Variants in PTCHD1 observed in about 807,000 individuals in gnomAD.
PTCHD1 encodes the protein patched domain containing 1, also known as patched domain-containing protein 1.
Under a neutral mutation model 34.6 loss-of-function variants are expected in PTCHD1, and 3 were observed. The ratio of observed to expected loss-of-function variants is 0.09; its 90% confidence interval spans 0.04 to 0.22. PTCHD1 has a LOEUF of 0.22. Among genes scored for constraint, PTCHD1 ranks in the 10% least tolerant of loss-of-function variants. The probability of loss-of-function intolerance (pLI) is 1.00; values close to 1 mark genes in which losing one functional copy is unlikely to be tolerated. For synonymous variants in PTCHD1, 305 were observed against 283.1 expected, an observed-to-expected ratio of 1.08 and a Z score of -0.77; for missense variants, 504 against 685.5, an observed-to-expected ratio of 0.74 and a Z score of 2.96.
At chrX:23,353,529 C>T (rs1362003512) in intron 1 of PTCHD1, among the ~76,000 whole-genome samples, 4 of 111,703 alleles carry the variant, frequency 3.6e-5, no homozygotes, top group Non-Finnish European at 5.7e-5. Flanking sequence ...GCGGAGGTTG[C>T]GGTGAGCGGA....
chrX:23,342,063 T>C (rs1921324244), intron 1 of PTCHD1, among the ~76,000 whole-genome samples: 1 of 107,036 alleles, frequency 9.3e-6, no homozygotes, highest in Non-Finnish European at 1.9e-5. Flanking sequence ...ATCAAGAGAG[T>C]ATTATTAAGC....
Position 23,342,488 on chromosome X carries a change from C to T in PTCHD1, c.351+7262C>T, listed in dbSNP as rs903010145. 4.8e-4 allele frequency among the ~76,000 whole-genome samples: 51 copies of T among 106,188 alleles called. 1 individual carries two copies. Among genetic ancestry groups the T allele is most frequent in the Middle Eastern group, 9.7e-3 (2 of 206 alleles). The allele number at this position is 106,188 out of a possible 115,157, so 92.2% of individuals were successfully genotyped here. ...TTATACATCGAGAGATTTAGTGCCC[C>T]GTTTCTAGGGAATGGATATTCATCC... On this transcript the variant is annotated intron_variant, in intron 1 of 2. Coordinates refer to ENST00000379361, the MANE Select transcript of PTCHD1 (RefSeq NM_173495.3).
At chrX:23,339,846 G>A (rs907693844) in intron 1 of PTCHD1, among the ~76,000 whole-genome samples, 4 of 112,501 alleles carry the variant, frequency 3.6e-5, no homozygotes, top group Admixed American at 1.9e-4. Flanking sequence ...CGCGAAGCCC[G>A]AGAGATTTGC....
chrX:23,366,952 A>C (rs868699569), intron 1 of PTCHD1, among the ~76,000 whole-genome samples: 2 of 92,484 alleles, frequency 2.2e-5, no homozygotes, highest in Non-Finnish European at 4.5e-5. Context: ...ACACACACAC[A>C]CCCCTGCATC....
chrX:23,364,522 C>G (rs919172108), intron 1 of PTCHD1, among the ~76,000 whole-genome samples: 1 of 110,552 alleles, frequency 9.0e-6, no homozygotes, highest in African/African-American at 3.3e-5. Context: ...CAGCCTGAAT[C>G]TTGGCAGACA....
chrX:23,369,780 A>G (rs1470864427), intron 1 of PTCHD1, among the ~76,000 whole-genome samples: 2 of 111,393 alleles, frequency 1.8e-5, no homozygotes, highest in African/African-American at 6.5e-5. Flanking sequence ...TGATGGGACA[A>G]TTTTCAAACT....
chrX:23,361,465 T>C (rs1168624697), intron 1 of PTCHD1, among the ~76,000 whole-genome samples: 1 of 111,748 alleles, frequency 8.9e-6, no homozygotes, highest in Non-Finnish European at 1.9e-5. Context: ...GAGACTAGGA[T>C]TGCAACCCCT....
chrX:23,358,133 CT>C (rs1921861090), intron 1 of PTCHD1, among the ~76,000 whole-genome samples: 1 of 111,734 alleles, frequency 8.9e-6, no homozygotes, highest in Non-Finnish European at 1.9e-5. Flanking sequence ...GTGCATGTGT[CT>C]TTATAGTAGC....
intron 2 of PTCHD1, among the ~76,000 whole-genome samples, chrX:23,384,079 T>C (rs961418027): frequency 1.8e-5 from 2 of 112,145 alleles, no homozygotes; most frequent in African/African-American, 3.2e-5. Flanking sequence ...AGGAAAGGGA[T>C]AGAATGTTAG....
intron 1 of PTCHD1, among the ~76,000 whole-genome samples, chrX:23,365,751 C>T (rs1001966980): frequency 4.5e-5 from 5 of 111,821 alleles, no homozygotes; most frequent in Non-Finnish European, 9.4e-5. Flanking sequence ...GTGAAGTGGG[C>T]TCTGTGACAA....
rs1226753671 is a variant in PTCHD1 at position 23,379,909 on chromosome X, A to G, written c.670A>G (p.Met224Val). The G allele has an allele frequency of 8.3e-7, 1 of 1,210,252 alleles. No individual in the cohort carries two copies. The highest frequency in any genetic ancestry group is 2.2e-5 in the Admixed American group (1 of 45,846). The change falls in exon 2 of 3, where the codon ATG becomes GTG. Residue 224 changes from methionine to valine, a missense_variant. Transcript: ENST00000379361. ...YLQSINSLND[M>V]VAERWESSFC... ...GCAGTCAATCAACAGTCTCAATGAC[A>G]TGGTGGCTGAGAGGTGGGAGTCCAG...
intron 1 of PTCHD1, among the ~76,000 whole-genome samples, chrX:23,363,494 C>G (rs1263697972): frequency 8.8e-6 from 1 of 113,121 alleles, no homozygotes; most frequent in Non-Finnish European, 1.9e-5. Context: ...GTGCCATTTG[C>G]TACGACTGTT....
At chrX:23,366,921 T>TAC (rs61606231) in intron 1 of PTCHD1, among the ~76,000 whole-genome samples, 4,049 of 99,320 alleles carry the variant, frequency 0.041, 140 homozygotes, top group East Asian at 0.14. Flanking sequence ...ATGCTCCTGG[T>TAC]ACACACACAC....
chrX:23,340,211 C>T (rs1921269410), intron 1 of PTCHD1, among the ~76,000 whole-genome samples: 1 of 112,182 alleles, frequency 8.9e-6, no homozygotes, highest in African/African-American at 3.2e-5. Flanking sequence ...TGAAAAAATG[C>T]CAAAGAGAAG....
chrX:23,351,181 G>C, intron 1 of PTCHD1: 1 of 677,570 alleles, frequency 1.5e-6, no homozygotes. Context: ...AACTCCATCT[G>C]TTGCTCAGAT....
At chrX:23,370,967 C>A (rs985993142) in intron 1 of PTCHD1, among the ~76,000 whole-genome samples, 4 of 111,295 alleles carry the variant, frequency 3.6e-5, no homozygotes, top group African/African-American at 9.8e-5. Flanking sequence ...ATAGCCCCCT[C>A]AGGAAGCTCA....
At chrX:23,361,639 GC>G (rs1921987461) in intron 1 of PTCHD1, among the ~76,000 whole-genome samples, 1 of 111,793 alleles carries the variant, frequency 8.9e-6, no homozygotes, top group Non-Finnish European at 1.9e-5. Context: ...GGGGCATTTA[GC>G]CCATTTACAT....
chrX:23,393,828 A>C lies in PTCHD1; in HGVS notation c.2310A>C (p.Pro770=), dbSNP rs1290436025. 3 of 1,208,707 alleles carry C rather than the reference A, an allele frequency of 2.5e-6. No individual in the cohort carries two copies. In the African/African-American group the frequency reaches 5.2e-5, roughly 21 times the overall value. The change falls in exon 3 of 3, where the codon CCA becomes CCC. Residue 770 remains proline, a synonymous_variant. Transcript: ENST00000379361. ...GINYTIDNCA[P]MLSTFVLGKD... ...ATTACACAATTGACAATTGTGCTCC[A>C]ATGTTATCCACATTTGTTCTGGGCA...
chrX:23,390,329 G>GA (rs754868031), intron 2 of PTCHD1, among the ~76,000 whole-genome samples: 7,508 of 69,311 alleles, frequency 0.11, 637 homozygotes, highest in African/African-American at 0.29. Context: ...ATGGCCCCAG[G>GA]AAAAAAAAAA....
Sources: allele counts gnomAD v4.1 joint callset (sites outside exome capture counted in the v4.1 genomes callset), GRCh38; gene constraint gnomAD v4.1.1; transcripts MANE v1.5; gene names NCBI Gene and HGNC (gene_info 2026-07-23, HGNC 2026-07-21).